The following GABRB3 variants were observed in gnomAD, a reference collection of about 807,000 sequenced individuals.
The protein encoded by GABRB3 is gamma-aminobutyric acid type A receptor subunit beta3.
Under a neutral mutation model 52.1 loss-of-function variants are expected in GABRB3, and 14 were observed. That is an observed-to-expected ratio of 0.27 (90% CI 0.18 to 0.42). GABRB3 has a LOEUF of 0.42. Ranked by LOEUF, GABRB3 falls within the 10% of genes least tolerant of loss-of-function variation. GABRB3 has a pLI of 1.00. For missense variants in GABRB3, 307 were observed against 609.1 expected (o/e 0.50, Z 5.22); for synonymous variants, 260 against 232.3 (o/e 1.12, Z -1.08).
chr15:26,661,009 C>T (rs1013654751), intron 3 of GABRB3, among the ~76,000 whole-genome samples: 7 of 152,098 alleles, frequency 4.6e-5, no homozygotes, highest in Non-Finnish European at 7.3e-5. Flanking sequence ...TGGTCCTGAA[C>T]TCCTGGACTC....
At chr15:26,755,298 C>T (rs112090261) in intron 3 of GABRB3, among the ~76,000 whole-genome samples, 2,255 of 152,224 alleles carry the variant, frequency 0.015, 54 homozygotes, top group African/African-American at 0.05. Context: ...AGCCACCGCA[C>T]CCGGCCACCC....
intron 4 of GABRB3, chr15:26,590,374 G>C (rs559185655): frequency 2.0e-5 from 3 of 152,250 alleles, no homozygotes; most frequent in Admixed American, 6.5e-5. Flanking sequence ...CCACGGGTTA[G>C]CACCACAGCC....
chr15:26,665,468 T>A (rs1809561756), intron 3 of GABRB3, among the ~76,000 whole-genome samples: 1 of 152,256 alleles, frequency 6.6e-6, no homozygotes. Flanking sequence ...ACTAAAAGTA[T>A]CTTTTAAATA....
At chr15:26,616,815 C>A (rs1199873206) in intron 4 of GABRB3, among the ~76,000 whole-genome samples, 2 of 152,076 alleles carry the variant, frequency 1.3e-5, no homozygotes, top group African/African-American at 4.8e-5. Context: ...CTTACTCTTA[C>A]CTAAAATCCA....
At position 26,668,425 on chromosome 15, in the gene GABRB3, G is replaced by A. The variant is rs145760257; in HGVS notation, c.241-46891C>T. Among the ~76,000 whole-genome samples the A allele has an allele frequency of 6.2e-4, 94 of 152,272 alleles. No homozygotes were observed. In the East Asian group the frequency reaches 0.017, roughly 28 times the overall value. On this transcript the variant is annotated intron_variant, in intron 3 of 8. Coordinates refer to ENST00000311550, the MANE Select transcript of GABRB3 (RefSeq NM_000814.6). ...TTACTACATGAGGCCGGGAATGCCT[G>A]CAGCCCCTGCCTAGGGCCGAACTGA...
At chr15:26,631,271 T>A (rs1166239430) in intron 3 of GABRB3, among the ~76,000 whole-genome samples, 6 of 152,364 alleles carry the variant, frequency 3.9e-5, no homozygotes, top group Non-Finnish European at 7.3e-5. Context: ...GCAGCTCAGA[T>A]GAATTGCAGT....
chr15:26,713,211 G>A (rs1012821935), intron 3 of GABRB3, among the ~76,000 whole-genome samples: 1 of 152,220 alleles, frequency 6.6e-6, no homozygotes, highest in African/African-American at 2.4e-5. Context: ...GCGGCAGTGG[G>A]AAAGGTGTCC....
intron 6 of GABRB3, among the ~76,000 whole-genome samples, chr15:26,576,996 C>A (rs1362013920): frequency 6.6e-6 from 1 of 152,120 alleles, no homozygotes. Context: ...AAAAGATACA[C>A]CAAAAGAGCA....
chr15:26,690,432 G>A (rs951133053), intron 3 of GABRB3, among the ~76,000 whole-genome samples: 9 of 152,168 alleles, frequency 5.9e-5, no homozygotes, highest in African/African-American at 1.9e-4. Flanking sequence ...TACATTGGAG[G>A]CACTAATGGT....
chr15:26,608,228 A>T (rs188555946), intron 4 of GABRB3, among the ~76,000 whole-genome samples: 71 of 152,276 alleles, frequency 4.7e-4, no homozygotes, highest in Non-Finnish European at 5.9e-5. Context: ...TCTCTTCCAT[A>T]AATGCTGTTG....
chr15:26,658,583 T>G (rs1334772821), intron 3 of GABRB3: 1 of 152,214 alleles, frequency 6.6e-6, no homozygotes, highest in Admixed American at 6.5e-5. Flanking sequence ...CACACATTCA[T>G]CTGCATGTGC....
At chr15:26,606,768 C>CGATAGACAGA (rs768804640) in intron 4 of GABRB3, among the ~76,000 whole-genome samples, 1 of 89,752 alleles carries the variant, frequency 1.1e-5, no homozygotes, top group African/African-American at 3.2e-5. Context: ...ATCTGTCTAT[C>CGATAGACAGA]TATAGATAGA....
chr15:26,731,152 A>G (rs896325207), intron 3 of GABRB3, among the ~76,000 whole-genome samples: 2 of 152,174 alleles, frequency 1.3e-5, no homozygotes, highest in Non-Finnish European at 2.9e-5. Flanking sequence ...TTGATCTCAC[A>G]GTTCTGTTTT....
intron 4 of GABRB3, among the ~76,000 whole-genome samples, chr15:26,584,225 G>A (rs1390850568): frequency 6.6e-6 from 1 of 152,128 alleles, no homozygotes; most frequent in Non-Finnish European, 1.5e-5. Flanking sequence ...ATAATCAGTG[G>A]CAGAGAAAGG....
chr15:26,549,300 G>A (rs1158088781), intron 8 of GABRB3, among the ~76,000 whole-genome samples: 1 of 152,198 alleles, frequency 6.6e-6, no homozygotes, highest in African/African-American at 2.4e-5. Flanking sequence ...AAGGCGCCGG[G>A]CCTGTATGGA....
Position 26,694,943 on chromosome 15 carries a change from G to C in GABRB3, c.241-73409C>G, listed in dbSNP as rs562418404. Among the ~76,000 whole-genome samples the C allele has an allele frequency of 2.0e-5, 3 of 152,240 alleles. No individual in the cohort carries two copies. In the East Asian group the frequency reaches 5.8e-4, roughly 29 times the overall value. On this transcript the variant is annotated intron_variant, in intron 3 of 8. Coordinates refer to ENST00000311550, the MANE Select transcript of GABRB3 (RefSeq NM_000814.6). ...AATGCCTTTGATGGGCCCATCAGTA[G>C]ATCAGACATAGCTGGGGAAAGAATC...
chr15:26,642,818 A>C (rs1364643543), intron 3 of GABRB3, among the ~76,000 whole-genome samples: 1 of 152,026 alleles, frequency 6.6e-6, no homozygotes, highest in Admixed American at 6.6e-5. Context: ...TTATCCATTC[A>C]TCATTTTCTA....
intron 4 of GABRB3, among the ~76,000 whole-genome samples, chr15:26,587,549 T>TG (rs1312932412): frequency 2.0e-5 from 3 of 151,832 alleles, no homozygotes; most frequent in Non-Finnish European, 4.4e-5. Context: ...GCTGGGAGAG[T>TG]GGGCCTTTTG....
At chr15:26,632,995 C>T (rs1892951811) in intron 3 of GABRB3, among the ~76,000 whole-genome samples, 1 of 152,158 alleles carries the variant, frequency 6.6e-6, no homozygotes, top group South Asian at 2.1e-4. Context: ...CCAGCCCCCA[C>T]TATTCTACAG....
Sources: allele counts gnomAD v4.1 joint callset (sites outside exome capture counted in the v4.1 genomes callset), GRCh38; gene constraint gnomAD v4.1.1; transcripts MANE v1.5; gene names NCBI Gene and HGNC (gene_info 2026-07-23, HGNC 2026-07-21).